INTS5: variants seen among roughly 807,000 people sequenced by gnomAD.
The protein encoded by INTS5 is integrator complex subunit 5, also known as KIAA1698.
INTS5 carries 29 observed loss-of-function variants against 60.0 expected under a neutral mutation model. That is an observed-to-expected ratio of 0.48 (90% CI 0.36 to 0.66). INTS5 has a LOEUF of 0.66. INTS5 is among the 30% of genes least tolerant of loss of function. The pLI is 0.00. For missense variants in INTS5, 1,129 were observed against 1,307.9 expected (o/e 0.86, Z 2.11); for synonymous variants, 588 against 558.8 (o/e 1.05, Z -0.74).
chr11:62,653,256 G>A lies in INTS5; in HGVS notation c.-7C>T. 2 of 1,242,020 alleles carry A rather than the reference G, an allele frequency of 1.6e-6. No individual in the cohort carries two copies. The highest frequency in any genetic ancestry group is 3.2e-5 in the East Asian group (1 of 31,640). 76.9% of individuals were successfully genotyped at this position (1,242,020 alleles called of 1,614,324 possible). A position where few individuals can be genotyped will look rare whatever the true frequency, so the allele number is the denominator to read the frequency against. Reference sequence around the variant, plus strand: ...GGTCGCACAGCGCGGACATCCCGGAGCCCGAGCCGAGCCCGAGGCGCGAGC... The same window carrying A: ...GGTCGCACAGCGCGGACATCCCGGAACCCGAGCCGAGCCCGAGGCGCGAGC... On this transcript the variant is annotated 5_prime_UTR_variant, in exon 1 of 2. Transcript: ENST00000330574.
In INTS5 at chr11:62,647,177, C is replaced by T. The variant is rs1471548435; in HGVS notation, c.2903G>A (p.Arg968His). Residue 968 changes from arginine to histidine, a missense_variant, in exon 2 of 2, where the codon CGC becomes CAC. This residue lies in a region of INTS5 where 1,070 missense variants were observed against 1,246.1 expected (regional missense o/e 0.86). Transcript: ENST00000330574. Reference protein sequence around the residue: ...QKFIFQSERGRFIRDFSREGG... With the variant: ...QKFIFQSERGHFIRDFSREGG... ...CTCCCTGGAGAAGTCCCGAATGAAG[C>T]GACCCCGCTCTGATTGGAAGATGAA... 1.9e-6 allele frequency: 3 copies of T among 1,614,206 alleles called. No individual in the cohort carries two copies. The Admixed American group carries it at 5.0e-5, about 27-fold the overall frequency.
Position 62,648,452 on chromosome 11 carries a change from A to G in INTS5, c.1628T>C (p.Val543Ala), listed in dbSNP as rs1224450511. Residue 543 changes from valine (V) to alanine (A), a missense_variant, in exon 2 of 2, where the codon GTG becomes GCG. This residue lies in a region of INTS5 where 1,070 missense variants were observed against 1,246.1 expected (regional missense o/e 0.86). Coordinates refer to ENST00000330574, the MANE Select transcript of INTS5 (RefSeq NM_030628.2). The surrounding 1 kb of genome is among the most constrained non-coding windows in gnomAD (Gnocchi z 4.4). ...SLATQLYAGL[V>A]VSLSGLLPLA... ...GGGCAGGAGGCCAGAGAGGCTGACCACTAGCCCTGCATATAACTGGGTGGC... is the reference window on the plus strand; with the variant it reads ...GGGCAGGAGGCCAGAGAGGCTGACCGCTAGCCCTGCATATAACTGGGTGGC... The G allele has an allele frequency of 6.2e-7, 1 of 1,614,182 alleles. No homozygotes were observed. Among genetic ancestry groups the G allele is most frequent in the Admixed American group, 1.7e-5 (1 of 60,026 alleles).
chr11:62,650,112 C>A, intron 1 of INTS5, 113 bp from the exon 2 acceptor site: 1 of 861,338 alleles, frequency 1.2e-6, no homozygotes. Context: ...AAATACTTCC[C>A]TCATAAGAGA....
At position 62,647,019 on chromosome 11, in the gene INTS5, G is replaced by C. The variant is rs1247272322; in HGVS notation, c.*1C>G. ...CCCTGGGCTTCCAGAGCAAGAAAAG[G>C]CTACGTCCCCTGTCGAAGGAGAGTG... On this transcript the variant is annotated 3_prime_UTR_variant, in exon 2 of 2. Coordinates refer to ENST00000330574, the MANE Select transcript of INTS5 (RefSeq NM_030628.2). 2 of 1,606,454 alleles carry C rather than the reference G, an allele frequency of 1.2e-6. No homozygotes were observed. The highest frequency in any genetic ancestry group is 1.7e-6 in the Non-Finnish European group (2 of 1,174,320).
chr11:62,648,433 G>A lies in INTS5; in HGVS notation c.1647C>T (p.Leu549=), dbSNP rs377763996. 1 of 1,614,106 alleles carries A rather than the reference G, an allele frequency of 6.2e-7. No individual in the cohort carries two copies. Among genetic ancestry groups the A allele is most frequent in the African/African-American group, 1.3e-5 (1 of 74,958 alleles). ...GACAGCTTCGGAAAGCCAGGGGCAG[G>A]AGGCCAGAGAGGCTGACCACTAGCC... is the stretch of plus-strand genomic sequence containing the variant. ...YAGLVVSLSG[L]LPLAFRSCLA... Residue 549 remains leucine (L), a synonymous_variant, in exon 2 of 2, where the codon CTC becomes CTT. Transcript: ENST00000330574. This position sits in a 1 kb window ranked among gnomAD's most constrained non-coding sequence, Gnocchi z 4.4.
Position 62,653,284 on chromosome 11 carries a change from C to T in INTS5, c.-35G>A, listed in dbSNP as rs1050000980. 4.9e-6 allele frequency: 6 copies of T among 1,234,264 alleles called. No homozygotes were observed. The African/African-American group carries it at 6.2e-5, about 13-fold the overall frequency. The allele number at this position is 1,234,264 out of a possible 1,614,324, so 76.5% of individuals were successfully genotyped here. ...CGAGCCGAGCCCGAGGCGCGAGCGG[C>T]GGAGCGCAGGCGGCGCATGCGCGCT... is the stretch of plus-strand genomic sequence containing the variant. On this transcript the variant is annotated 5_prime_UTR_variant, in exon 1 of 2. Coordinates refer to ENST00000330574, the MANE Select transcript of INTS5 (RefSeq NM_030628.2).
In INTS5 at chr11:62,648,283, A is replaced by G; in HGVS notation, c.1797T>C (p.Phe599=). The G allele has an allele frequency of 6.2e-7, 1 of 1,613,848 alleles. No homozygotes were observed. The highest frequency in any genetic ancestry group is 1.3e-5 in the African/African-American group (1 of 75,068). Residue 599 remains phenylalanine (F), a synonymous_variant, in exon 2 of 2, where the codon TTT becomes TTC. Transcript: ENST00000330574. The surrounding 1 kb of genome is among the most constrained non-coding windows in gnomAD (Gnocchi z 4.4). ...ACAGATGGGCTGAGGCAGATTCCCC[A>G]AAGTGCGCCCCTAGGGCTGCAGGGC... ...GEGPAALGAH[F]GESASAHLSD... is the part of the protein sequence containing the mutation.
chr11:62,650,179 T>C (rs1039226993), intron 1 of INTS5, among the ~76,000 whole-genome samples, 180 bp from the exon 2 acceptor site: 4 of 150,368 alleles, frequency 2.7e-5, no homozygotes, highest in Non-Finnish European at 5.9e-5. Context: ...TGCAGTGGCA[T>C]GATCTCAGCT....
At chr11:62,650,508 G>A (rs1328627828) in intron 1 of INTS5, among the ~76,000 whole-genome samples, 1 of 151,444 alleles carries the variant, frequency 6.6e-6, no homozygotes, top group Admixed American at 6.6e-5. Flanking sequence ...CGCCTACTGA[G>A]TTCAAGCAAT....
Position 62,647,867 on chromosome 11 carries a change from G to C in INTS5, c.2213C>G (p.Ala738Gly). 1 of 1,614,094 alleles carries C rather than the reference G, an allele frequency of 6.2e-7. No homozygotes were observed. Among genetic ancestry groups the C allele is most frequent in the Admixed American group, 1.7e-5 (1 of 60,032 alleles). ...CCAAATCCCTCCAGGACCTGGCACAGCTGCAGTGTGCCTCCGGTTAGTGTC... is the reference window on the plus strand; with the variant it reads ...CCAAATCCCTCCAGGACCTGGCACACCTGCAGTGTGCCTCCGGTTAGTGTC... The part of the protein sequence containing the change: ...LLDTNRRHTA[A>G]VPGPGGIWSV... The change falls in exon 2 of 2, where the codon GCT becomes GGT. Residue 738 changes from alanine (A) to glycine (G), a missense_variant. Around this residue, in one of 3 missense-constraint regions of INTS5, gnomAD observed 1,070 missense variants for 1,246.1 expected, o/e 0.86. Coordinates refer to ENST00000330574, the MANE Select transcript of INTS5 (RefSeq NM_030628.2).
At position 62,648,235 on chromosome 11, in the gene INTS5, T is replaced by C. The variant is rs939624653; in HGVS notation, c.1845A>G (p.Leu615=). The C allele has an allele frequency of 5.6e-6, 9 of 1,613,654 alleles. No individual in the cohort carries two copies. Among genetic ancestry groups the C allele is most frequent in the African/African-American group, 5.3e-5 (4 of 74,928 alleles). Residue 615 remains leucine (L), a synonymous_variant, in exon 2 of 2, where the codon CTA becomes CTG. Transcript: ENST00000330574. The surrounding 1 kb of genome is among the most constrained non-coding windows in gnomAD (Gnocchi z 4.4). Reference sequence around the variant, plus strand: ...CTTCAGCTACTTCCTCCTCAGGATGTAGCAGGAGAGGAGCCAGGTCAGACA... The same window carrying C: ...CTTCAGCTACTTCCTCCTCAGGATGCAGCAGGAGAGGAGCCAGGTCAGACA... ...AHLSDLAPLL[L]HPEEEVAEAA...
rs754177540 is a variant in INTS5 at position 62,650,143 on chromosome 11, G to A, written c.81-144C>T. 31 of 654,568 alleles carry A rather than the reference G, an allele frequency of 4.7e-5. 1 individual carries two copies. Among genetic ancestry groups the A allele is most frequent in the African/African-American group, 1.8e-4 (10 of 54,674 alleles). The allele number at this position is 654,568 out of a possible 1,614,324, so 40.5% of individuals were successfully genotyped here. On this transcript the variant is annotated intron_variant, in intron 1 of 1. Coordinates refer to ENST00000330574, the MANE Select transcript of INTS5 (RefSeq NM_030628.2). The stretch of plus-strand genomic sequence containing the variant: ...AGAGAATTTTTTTTTTTGAGATGGA[G>A]TCTCGCTCTGTTGTCCAGGCTGGAG...
chr11:62,652,541 C>T (rs953844237), intron 1 of INTS5, among the ~76,000 whole-genome samples: 2 of 152,130 alleles, frequency 1.3e-5, no homozygotes, highest in African/African-American at 4.8e-5. Flanking sequence ...CTACTCAGCA[C>T]CCTCAATGTG....
At chr11:62,652,944 G>A (rs947339417) in intron 1 of INTS5, among the ~76,000 whole-genome samples, 3 of 152,202 alleles carry the variant, frequency 2.0e-5, no homozygotes, top group African/African-American at 7.2e-5. Flanking sequence ...CCGGGGTCGA[G>A]GGTAGTTAGG....
At chr11:62,652,947 T>C (rs1944607701) in intron 1 of INTS5, among the ~76,000 whole-genome samples, 1 of 151,104 alleles carries the variant, frequency 6.6e-6, no homozygotes, top group Non-Finnish European at 1.5e-5. Context: ...GGGTCGAGGG[T>C]AGTTAGGCAT....
intron 1 of INTS5, among the ~76,000 whole-genome samples, chr11:62,650,600 A>C (rs1033011614): frequency 6.6e-6 from 1 of 151,930 alleles, no homozygotes; most frequent in Non-Finnish European, 1.5e-5. Flanking sequence ...TTTAGTAGAG[A>C]CAGATTTTAC....
chr11:62,647,583 G>C lies in INTS5; in HGVS notation c.2497C>G (p.Pro833Ala). The C allele has an allele frequency of 6.2e-7, 1 of 1,613,964 alleles. No individual in the cohort carries two copies. Among genetic ancestry groups the C allele is most frequent in the African/African-American group, 1.3e-5 (1 of 75,074 alleles). The change falls in exon 2 of 2, where the codon CCC becomes GCC. Residue 833 changes from proline to alanine, a missense_variant. By Grantham distance (27) the Pro-to-Ala change is conservative. This residue lies in a region of INTS5 where 1,070 missense variants were observed against 1,246.1 expected (regional missense o/e 0.86). Transcript: ENST00000330574. ...ACGGTGGCCCGGGCGTGTTCCTCGG[G>C]GGGCCAGGCCAGCTCTGCACCAGCT... The part of the protein sequence containing the change: ...DAAGAELAWP[P>A]EEHARATVER...
chr11:62,652,936 G>T (rs1238195319), intron 1 of INTS5, among the ~76,000 whole-genome samples: 1 of 152,210 alleles, frequency 6.6e-6, no homozygotes, highest in Admixed American at 6.5e-5. Context: ...GAGGAAGCCC[G>T]GGGTCGAGGG....
Position 62,646,907 on chromosome 11 carries a change from A to G in INTS5, c.*113T>C. On this transcript the variant is annotated 3_prime_UTR_variant, in exon 2 of 2. Transcript: ENST00000330574. ...AAAAAAAGTGGGAGAGAAAAAAGTG[A>G]CAGCGCTCTTTAGACCAAGGACTTA... 1.0e-6 allele frequency: 1 copy of G among 960,912 alleles called. No homozygotes were observed. Among genetic ancestry groups the G allele is most frequent in the Non-Finnish European group, 1.6e-6 (1 of 643,248 alleles). The allele number at this position is 960,912 out of a possible 1,614,324, so 59.5% of individuals were successfully genotyped here.
Sources: gnomAD v4.1 joint callset for allele counts (sites outside exome capture counted in the v4.1 genomes callset) on GRCh38, gnomAD v4.1.1 for gene constraint, gnomAD v4.1.1 regional missense constraint, Gnocchi (gnomAD v3.1) non-coding constraint, MANE v1.5 for transcripts, NCBI Gene and HGNC (gene_info 2026-07-23, HGNC 2026-07-21) for gene names.